STAM: variants seen among roughly 807,000 people sequenced by gnomAD.
STAM encodes signal transducing adaptor molecule, also known as signal transducing adapter molecule 1.
Under a neutral mutation model 63.4 loss-of-function variants are expected in STAM, and 16 were observed. That is an observed-to-expected ratio of 0.25 (90% CI 0.17 to 0.38). The LOEUF (loss-of-function observed/expected upper bound fraction) is 0.38. Among genes scored for constraint, STAM ranks in the 10% least tolerant of loss-of-function variants. The pLI is 1.00. For missense variants in STAM, 636 were observed against 657.1 expected, an observed-to-expected ratio of 0.97 and a Z score of 0.35; for synonymous variants, 238 against 223.9, an observed-to-expected ratio of 1.06 and a Z score of -0.56.
intron 2 of STAM, among the ~76,000 whole-genome samples, chr10:17,669,651 T>TG (rs1834542348): frequency 1.3e-5 from 2 of 151,766 alleles, no homozygotes; most frequent in South Asian, 4.1e-4. Context: ...GCTGTTTCAG[T>TG]GGGGTTTTTC....
At chr10:17,665,864 C>G (rs1554823326) in intron 2 of STAM, among the ~76,000 whole-genome samples, 2 of 152,084 alleles carry the variant, frequency 1.3e-5, no homozygotes, top group Non-Finnish European at 2.9e-5. Context: ...AAGATATTCA[C>G]ATGATTTCTA....
At chr10:17,702,501 T>G (rs1235188783) in intron 9 of STAM, among the ~76,000 whole-genome samples, 1 of 152,238 alleles carries the variant, frequency 6.6e-6, no homozygotes, top group Non-Finnish European at 1.5e-5. Context: ...ATGTCAACAC[T>G]TAATGTCCTG....
At chr10:17,654,703 C>T (rs560594613) in intron 1 of STAM, among the ~76,000 whole-genome samples, 254 of 152,236 alleles carry the variant, frequency 1.7e-3, no homozygotes, top group African/African-American at 5.9e-3. Context: ...AAAACTTGAG[C>T]AATGATAGGT....
intron 13 of STAM, among the ~76,000 whole-genome samples, chr10:17,709,192 C>G (rs1355978679): frequency 1.3e-5 from 2 of 152,306 alleles, no homozygotes; most frequent in Non-Finnish European, 2.9e-5. Flanking sequence ...ATTTTTAATA[C>G]TACTCTAACC....
intron 12 of STAM, among the ~76,000 whole-genome samples, chr10:17,706,405 G>A (rs1245904252): frequency 8.1e-6 from 1 of 123,650 alleles, no homozygotes; most frequent in Non-Finnish European, 1.6e-5. Flanking sequence ...TTGAGGCGGA[G>A]TCTCACTCCG....
rs200330404 is a variant in STAM at position 17,688,053 on chromosome 10, A to G, written c.324A>G (p.Leu108=). The change falls in exon 5 of 14, where the codon TTA becomes TTG. Residue 108 remains leucine, a synonymous_variant. Transcript: ENST00000377524. ...NKGHPKVCEK[L]KALMVEWTDE... is the part of the protein sequence containing the mutation. Reference sequence around the variant, plus strand: ...GTCATCCTAAAGTATGTGAAAAATTAAAGGCTCTTATGGTTGAATGGACAG... The same window carrying G: ...GTCATCCTAAAGTATGTGAAAAATTGAAGGCTCTTATGGTTGAATGGACAG... 6.3e-7 allele frequency: 1 copy of G among 1,596,480 alleles called. No homozygotes were observed. The highest frequency in any genetic ancestry group is 8.5e-7 in the Non-Finnish European group (1 of 1,173,332).
intron 1 of STAM, among the ~76,000 whole-genome samples, chr10:17,648,403 G>A (rs1833602083): frequency 6.6e-6 from 1 of 152,184 alleles, no homozygotes; most frequent in Non-Finnish European, 1.5e-5. Context: ...GGACAAATAA[G>A]AGAATAAAAG....
intron 12 of STAM, among the ~76,000 whole-genome samples, chr10:17,706,231 TG>T (rs1554829236): frequency 5.0e-5 from 6 of 120,240 alleles, no homozygotes; most frequent in African/African-American, 1.7e-4. Flanking sequence ...AATAGTTTTT[TG>T]TTGTTGTTGT....
intron 2 of STAM, among the ~76,000 whole-genome samples, chr10:17,677,445 T>A (rs1834900926): frequency 6.6e-6 from 1 of 152,224 alleles, no homozygotes; most frequent in African/African-American, 2.4e-5. Flanking sequence ...CAAATAATTC[T>A]TTATATCTGG....
intron 8 of STAM, 26 bp from the exon 9 acceptor site, chr10:17,700,165 A>G (rs1486519414): frequency 1.7e-5 from 27 of 1,550,382 alleles, no homozygotes; most frequent in Non-Finnish European, 2.4e-5. Context: ...ATTATTAAAA[A>G]AAGATAACTT....
At position 17,698,463 on chromosome 10, in the gene STAM, G is replaced by A. The variant is rs78414059; in HGVS notation, c.823+1594G>A. 7.3e-3 allele frequency among the ~76,000 whole-genome samples: 1,104 copies of A among 150,886 alleles called. 12 individuals carry two copies. Among genetic ancestry groups the A allele is most frequent in the African/African-American group, 0.025 (1,047 of 41,094 alleles). ...TCATATAGCAATGCAGCTTCAATAT[G>A]AGTTTTCTAGTTTTTCTCATGTTTT... On this transcript the variant is annotated intron_variant, in intron 8 of 13. Coordinates refer to ENST00000377524, the MANE Select transcript of STAM (RefSeq NM_003473.4).
intron 2 of STAM, among the ~76,000 whole-genome samples, chr10:17,682,435 A>G (rs10904993): frequency 0.086 from 13,050 of 152,206 alleles, 740 homozygotes; most frequent in African/African-American, 0.15. Flanking sequence ...ACATTCTTAT[A>G]AAGAGTACTG....
intron 2 of STAM, among the ~76,000 whole-genome samples, chr10:17,682,976 G>A (rs1554825575): frequency 2.0e-5 from 3 of 152,090 alleles, no homozygotes; most frequent in Non-Finnish European, 2.9e-5. Flanking sequence ...TTATTATTAT[G>A]TACTGTCTCT....
In STAM at chr10:17,644,192, G is replaced by A. The variant is rs1833423179; in HGVS notation, c.-148G>A. On this transcript the variant is annotated 5_prime_UTR_variant, in exon 1 of 14. Coordinates refer to ENST00000377524, the MANE Select transcript of STAM (RefSeq NM_003473.4). ...GCCGCAGCTGCTGCCGCGGTTGGTG[G>A]GGTTGGGTGAGAGGAGGAGCTGTCG... 4 of 789,278 alleles carry A rather than the reference G, an allele frequency of 5.1e-6. No homozygotes were observed. Among genetic ancestry groups the A allele is most frequent in the African/African-American group, 1.7e-5 (1 of 57,522 alleles). 48.9% of individuals were successfully genotyped at this position (789,278 alleles called of 1,614,324 possible).
chr10:17,681,090 A>G (rs78710549), intron 2 of STAM, among the ~76,000 whole-genome samples: 9,348 of 151,984 alleles, frequency 0.062, 390 homozygotes, highest in Middle Eastern at 0.13. Context: ...TCCCACCAAC[A>G]GTGCACAAGT....
At chr10:17,695,429 CTTAT>C (rs1228019036) in intron 7 of STAM, among the ~76,000 whole-genome samples, 188 bp downstream of exon 7, 2 of 151,886 alleles carry the variant, frequency 1.3e-5, no homozygotes, top group Non-Finnish European at 2.9e-5. Context: ...TAATTTTTTT[CTTAT>C]TTATTACTTA....
chr10:17,702,660 A>G (rs1836050202), intron 9 of STAM, among the ~76,000 whole-genome samples: 3 of 152,192 alleles, frequency 2.0e-5, no homozygotes, highest in South Asian at 2.1e-4. Context: ...AGACTGTGCT[A>G]AGGGCAAGGA....
intron 2 of STAM, among the ~76,000 whole-genome samples, chr10:17,682,304 A>G (rs1055778482): frequency 2.6e-5 from 4 of 152,212 alleles, no homozygotes; most frequent in Non-Finnish European, 5.9e-5. Context: ...GTATGTATCA[A>G]TATTCCTGTT....
At chr10:17,706,622 A>G (rs531930667) in intron 12 of STAM, among the ~76,000 whole-genome samples, 3 of 151,552 alleles carry the variant, frequency 2.0e-5, no homozygotes, top group East Asian at 1.9e-4. Context: ...CTCGTGATCC[A>G]CCCGCCTCGG....
Sources: allele counts gnomAD v4.1 joint callset (sites outside exome capture counted in the v4.1 genomes callset), GRCh38; gene constraint gnomAD v4.1.1; transcripts MANE v1.5; gene names NCBI Gene and HGNC (gene_info 2026-07-23, HGNC 2026-07-21).